The following PIK3C3 variants were observed in gnomAD, a reference collection of about 807,000 sequenced individuals.
The protein encoded by PIK3C3 is PI3-kinase type 3.
Under a neutral mutation model 126.1 loss-of-function variants are expected in PIK3C3, and 95 were observed. The ratio of observed to expected loss-of-function variants is 0.75; its 90% CI spans 0.64 to 0.89. PIK3C3 has a LOEUF of 0.89. PIK3C3 is among the 40% of genes least tolerant of loss of function. The pLI is 0.00. For missense variants in PIK3C3, 829 were observed against 1,063.2 expected, an observed-to-expected ratio of 0.78 and a Z score of 3.06; for synonymous variants, 374 against 360.0, an observed-to-expected ratio of 1.04 and a Z score of -0.44.
intron 21 of PIK3C3, chr18:42,049,935 T>C (rs931642578): frequency 1.5e-4 from 25 of 163,108 alleles, no homozygotes; most frequent in Non-Finnish European, 3.3e-4. Flanking sequence ...ATTGCACCAT[T>C]GCACTGCAGA....
intron 3 of PIK3C3, among the ~76,000 whole-genome samples, chr18:41,966,023 C>T (rs921521197): frequency 6.6e-6 from 1 of 152,050 alleles, no homozygotes; most frequent in Non-Finnish European, 1.5e-5. Flanking sequence ...CTTCATGTCC[C>T]GAACACATCA....
chr18:41,978,863 C>T (rs1981057544), intron 4 of PIK3C3, among the ~76,000 whole-genome samples: 1 of 151,876 alleles, frequency 6.6e-6, no homozygotes, highest in Non-Finnish European at 1.5e-5. Flanking sequence ...TTGAAACTTA[C>T]CCCCCAGAAA....
At chr18:42,058,638 T>C (rs1358470480) in intron 22 of PIK3C3, among the ~76,000 whole-genome samples, 3 of 152,210 alleles carry the variant, frequency 2.0e-5, no homozygotes, top group African/African-American at 7.2e-5. Flanking sequence ...CATCAGTCAT[T>C]CTGCTACAAA....
intron 20 of PIK3C3, among the ~76,000 whole-genome samples, chr18:42,048,268 C>A (rs1475480938): frequency 6.6e-6 from 1 of 152,186 alleles, no homozygotes; most frequent in African/African-American, 2.4e-5. Context: ...CAGGTGAAGG[C>A]TCTGTGTTTC....
At chr18:41,989,684 A>G (rs192581864) in intron 5 of PIK3C3, among the ~76,000 whole-genome samples, 2 of 152,268 alleles carry the variant, frequency 1.3e-5, no homozygotes, top group African/African-American at 4.8e-5. Context: ...GCTACACCAT[A>G]TAACCTCGGT....
At chr18:41,996,993 C>T (rs551000693) in intron 9 of PIK3C3, among the ~76,000 whole-genome samples, 7 of 151,974 alleles carry the variant, frequency 4.6e-5, no homozygotes, top group African/African-American at 1.7e-4. Flanking sequence ...GTACATTTTA[C>T]GTTTGTTTGG....
intron 4 of PIK3C3, among the ~76,000 whole-genome samples, chr18:41,973,573 TA>T (rs2144318246): frequency 6.6e-6 from 1 of 152,244 alleles, no homozygotes; most frequent in South Asian, 2.1e-4. Flanking sequence ...CTTAAATTCT[TA>T]AAATTATGCT....
At chr18:42,021,524 G>A (rs1317912351) in intron 13 of PIK3C3, among the ~76,000 whole-genome samples, 2 of 152,134 alleles carry the variant, frequency 1.3e-5, no homozygotes, top group Non-Finnish European at 2.9e-5. Flanking sequence ...AGAGCCAGGT[G>A]GGTAAGACCT....
chr18:41,997,562 A>G (rs569934180), intron 9 of PIK3C3, among the ~76,000 whole-genome samples: 23 of 152,266 alleles, frequency 1.5e-4, no homozygotes, highest in African/African-American at 5.5e-4. Flanking sequence ...TTTGTCTCCT[A>G]GTTTTTAAAA....
intron 19 of PIK3C3, among the ~76,000 whole-genome samples, chr18:42,041,746 A>G (rs1984333566): frequency 6.6e-6 from 1 of 152,202 alleles, no homozygotes; most frequent in East Asian, 1.9e-4. Context: ...TCAGATTTGT[A>G]GAAAAGTATT....
chr18:42,013,410 C>T, intron 10 of PIK3C3, 32 bp from the exon 11 acceptor site: 11 of 1,303,086 alleles, frequency 8.4e-6, no homozygotes, highest in Admixed American at 2.8e-5. Context: ...CATTCTTTTC[C>T]TAATATTACT....
intron 20 of PIK3C3, among the ~76,000 whole-genome samples, chr18:42,044,326 C>T (rs898032347): frequency 5.9e-5 from 9 of 151,994 alleles, no homozygotes; most frequent in African/African-American, 2.2e-4. Context: ...AATTTTTATT[C>T]TTCAGGCATT....
chr18:42,074,638 G>A (rs529847247), intron 24 of PIK3C3, among the ~76,000 whole-genome samples: 1 of 152,150 alleles, frequency 6.6e-6, no homozygotes, highest in East Asian at 1.9e-4. Context: ...ACTAGTACTC[G>A]TATGTTAAAT....
At position 42,082,181 on chromosome 18, in the gene PIK3C3, TTACA is replaced by T. The variant is rs971526210; in HGVS notation, c.*1047_*1050del. 5 of 152,226 alleles carry T rather than the reference TTACA, an allele frequency of 3.3e-5. No individual in the cohort carries two copies. Among genetic ancestry groups the T allele is most frequent in the African/African-American group, 7.2e-5 (3 of 41,460 alleles). The allele number at this position is 152,226 out of a possible 1,614,324, so 9.4% of individuals were successfully genotyped here. The stretch of plus-strand genomic sequence containing the variant: ...TAATAATCTTTTGCAACTTAATATG[TTACA>T]TAGTCATATGACTTGGTCTTGGAAG... On this transcript the variant is annotated 3_prime_UTR_variant, in exon 25 of 25. Transcript: ENST00000262039.
intron 12 of PIK3C3, among the ~76,000 whole-genome samples, chr18:42,016,621 A>AC (rs1244211797): frequency 6.6e-6 from 1 of 152,172 alleles, no homozygotes; most frequent in Non-Finnish European, 1.5e-5. Flanking sequence ...TGAGAGAACA[A>AC]CCATATGGCT....
chr18:42,045,825 A>C (rs1030989774), intron 20 of PIK3C3, among the ~76,000 whole-genome samples: 9 of 152,100 alleles, frequency 5.9e-5, no homozygotes, highest in African/African-American at 2.2e-4. Context: ...ATTATCTTTT[A>C]CCTTTTTACT....
chr18:41,957,419 A>G, intron 1 of PIK3C3, 151 bp from the exon 2 acceptor site: 1 of 618,754 alleles, frequency 1.6e-6, no homozygotes, highest in Non-Finnish European at 2.6e-6. Context: ...AATGTTGTTT[A>G]GGTAGCATAC....
intron 23 of PIK3C3, among the ~76,000 whole-genome samples, chr18:42,065,824 G>C (rs1985515060): frequency 6.6e-6 from 1 of 152,176 alleles, no homozygotes; most frequent in Non-Finnish European, 1.5e-5. Context: ...CCTAACATAA[G>C]TCAGTAAATC....
chr18:42,062,974 C>CCCATGTTATCAGGGGTTGGTTCCTGT (rs1985382900), intron 22 of PIK3C3, among the ~76,000 whole-genome samples: 1 of 152,098 alleles, frequency 6.6e-6, no homozygotes, highest in Non-Finnish European at 1.5e-5. Flanking sequence ...CCTGATAACC[C>CCCATGTTATCAGGGGTTGGTTCCTGT]CCATGTTGGT....
Sources: allele counts gnomAD v4.1 joint callset (sites outside exome capture counted in the v4.1 genomes callset), GRCh38; gene constraint gnomAD v4.1.1; transcripts MANE v1.5; gene names NCBI Gene and HGNC (gene_info 2026-07-23, HGNC 2026-07-21).